Variants in FXYD3 observed in about 807,000 individuals in gnomAD.
FXYD3 encodes FXYD domain-containing ion transport regulator 3.
FXYD3 carries 13 observed loss-of-function variants against 19.2 expected under a neutral mutation model. The observed-to-expected ratio is 0.68, with a 90% confidence interval of 0.44 to 1.08. The LOEUF (loss-of-function observed/expected upper bound fraction) is 1.08. FXYD3 is among the 50% of genes least tolerant of loss of function. The probability of loss-of-function intolerance (pLI) is 0.00; values close to 1 mark genes in which losing one functional copy is unlikely to be tolerated. For synonymous variants in FXYD3, 48 were observed against 38.9 expected (o/e 1.23, Z -0.87); for missense variants, 101 against 109.4 (o/e 0.92, Z 0.34).
intron 6 of FXYD3, 33 bp downstream of exon 6, chr19:35,122,872 C>T (rs1329863635): frequency 1.2e-5 from 20 of 1,613,800 alleles, no homozygotes; most frequent in East Asian, 2.2e-5. Flanking sequence ...GCAGGCGGGC[C>T]GGGGCTGGGG....
rs141436593 is a variant in FXYD3, at chr19:35,121,099, A to G, written c.62A>G (p.Asn21Ser). ...CTAGGCTTTCCTGTCCTGGACGCCA[A>G]TGACCTAGAAGGTGAGTCAGACTGG... ...FLAGFPVLDA[N>S]DLEDKNSPFY... is the part of the protein sequence containing the mutation. Residue 21 changes from asparagine to serine, a missense_variant, in exon 4 of 9, where the codon AAT becomes AGT. Coordinates refer to ENST00000604404, the MANE Select transcript of FXYD3 (RefSeq NM_005971.4). 1.3e-5 allele frequency: 21 copies of G among 1,613,160 alleles called. No homozygotes were observed. The highest frequency in any genetic ancestry group is 9.9e-5 in the South Asian group (9 of 91,042).
At chr19:35,119,101 T>C in intron 2 of FXYD3, 1 of 1,159,870 alleles carries the variant, frequency 8.6e-7, no homozygotes, top group South Asian at 1.3e-5. Flanking sequence ...CTTGTTTGGT[T>C]GCGGGGCGAT....
At chr19:35,119,181 C>T in intron 2 of FXYD3, 182 bp from the exon 3 acceptor site, 2 of 1,558,266 alleles carry the variant, frequency 1.3e-6, no homozygotes, top group Non-Finnish European at 1.7e-6. Flanking sequence ...CGAGTTTCAC[C>T]CAGTCCCCAC....
At chr19:35,122,397 C>T (rs553003258) in intron 5 of FXYD3, among the ~76,000 whole-genome samples, 140 of 152,246 alleles carry the variant, frequency 9.2e-4, no homozygotes, top group African/African-American at 3.3e-3. Flanking sequence ...TCAGGTGATC[C>T]GCCCACCTTG....
chr19:35,121,455 A>G, intron 5 of FXYD3: 1 of 1,479,060 alleles, frequency 6.8e-7, no homozygotes, highest in Non-Finnish European at 9.0e-7. Flanking sequence ...AGCAAGATAG[A>G]CACACGCAGG....
At chr19:35,120,143 CTTT>C (rs35622565) in intron 3 of FXYD3, among the ~76,000 whole-genome samples, 1 of 143,458 alleles carries the variant, frequency 7.0e-6, no homozygotes. Context: ...TTTTTCTTTT[CTTT>C]TTTTTTTTTC....
chr19:35,117,357 C>G, intron 2 of FXYD3: 1 of 1,505,802 alleles, frequency 6.6e-7, no homozygotes, highest in Non-Finnish European at 8.9e-7. Context: ...CTTGGAGGAG[C>G]CCCTGGAAAG....
intron 3 of FXYD3, chr19:35,119,643 C>CT (rs376165806): frequency 2.0e-4 from 91 of 457,944 alleles, no homozygotes; most frequent in African/African-American, 9.2e-4. Flanking sequence ...TCGATCTCTT[C>CT]TTTTTTTTTG....
chr19:35,119,298 G>A, intron 2 of FXYD3, 65 bp from the exon 3 acceptor site: 1 of 1,609,766 alleles, frequency 6.2e-7, no homozygotes, highest in East Asian at 2.2e-5. Flanking sequence ...GGGTTGGGGA[G>A]CCACAGGCAC....
intron 3 of FXYD3, among the ~76,000 whole-genome samples, chr19:35,120,528 C>T (rs1244150100): frequency 1.3e-5 from 2 of 152,232 alleles, no homozygotes; most frequent in African/African-American, 2.4e-5. Flanking sequence ...ATTACAGGCA[C>T]ACTTTTTGTC....
intron 2 of FXYD3, 24 bp downstream of exon 2, chr19:35,116,383 C>T (rs2064885663): frequency 1.0e-6 from 1 of 985,406 alleles, no homozygotes; most frequent in South Asian, 4.7e-5. Context: ...GCCCCTTCCT[C>T]CAAGCCCTCC....
chr19:35,122,979 G>A (rs372815750), intron 7 of FXYD3, 25 bp downstream of exon 7: 21 of 1,554,900 alleles, frequency 1.4e-5, no homozygotes, highest in Admixed American at 1.9e-5. Context: ...CGGCATGCCC[G>A]CCTCAGGCTG....
At chr19:35,117,607 C>A (rs1455724629) in intron 2 of FXYD3, among the ~76,000 whole-genome samples, 1 of 151,874 alleles carries the variant, frequency 6.6e-6, no homozygotes. Context: ...CTTCAGACCA[C>A]AGGCAGTCCA....
intron 2 of FXYD3, 34 bp downstream of exon 2, chr19:35,116,393 C>T (rs1055146294): frequency 2.0e-6 from 2 of 985,082 alleles, no homozygotes; most frequent in African/African-American, 1.7e-5. Context: ...CCAAGCCCTC[C>T]TTGTCTCTGC....
At position 35,121,216 on chromosome 19, in the gene FXYD3, T is replaced by C. The variant is rs2065035703; in HGVS notation, c.74-6T>C. On this transcript the variant is annotated splice_region_variant and splice_polypyrimidine_tract_variant and intron_variant, in intron 4 of 8. Transcript: ENST00000604404. ...TGGATTCATGATCTTTTTTCTTTCC[T>C]TGCAGATAAAAACAGTCCTTTCTAC... 6.2e-7 allele frequency: 1 copy of C among 1,613,976 alleles called. No individual in the cohort carries two copies. The highest frequency in any genetic ancestry group is 1.1e-5 in the South Asian group (1 of 91,076).
At chr19:35,120,953 A>G in intron 3 of FXYD3, 125 bp from the exon 4 acceptor site, 1 of 949,642 alleles carries the variant, frequency 1.1e-6, no homozygotes, top group Non-Finnish European at 1.6e-6. Flanking sequence ...GTGGCTGCTC[A>G]GTGACAGGAC....
Position 35,116,288 on chromosome 19 carries a change from G to GGATAAACGCAGGACTCCGCCTGGCAGCCC in FXYD3, c.-82_-54dup. On this transcript the variant is annotated 5_prime_UTR_variant, in exon 2 of 9. Transcript: ENST00000604404. ...GGTTTGCTTAGGGCGTGGCAGCTTC[G>GGATAAACGCAGGACTCCGCCTGGCAGCCC]GATAAACGCAGGACTCCGCCTGGCA... The GGATAAACGCAGGACTCCGCCTGGCAGCCC allele has an allele frequency of 2.0e-6, 2 of 985,418 alleles. No homozygotes were observed. The highest frequency in any genetic ancestry group is 2.4e-6 in the Non-Finnish European group (2 of 829,966). The allele number at this position is 985,418 out of a possible 1,614,324, so 61.0% of individuals were successfully genotyped here.
chr19:35,118,372 A>C (rs946320302), intron 2 of FXYD3: 23 of 673,134 alleles, frequency 3.4e-5, no homozygotes, highest in African/African-American at 2.0e-4. Context: ...AAAAAAAAAA[A>C]AAACAATTAT....
In FXYD3 at chr19:35,119,385, G is replaced by A. The variant is rs1279532947; in HGVS notation, c.9G>A (p.Lys3=). The change falls in exon 3 of 9, where the codon AAG becomes AAA. Residue 3 remains lysine, a synonymous_variant. Coordinates refer to ENST00000604404, the MANE Select transcript of FXYD3 (RefSeq NM_005971.4). MQ[K]VTLGLLVFLA... Reference sequence around the variant, plus strand: ...TAGGCCAGCGCTCTGACATGCAGAAGGTGACCCTGGGCCTGCTTGTGTTCC... The same window carrying A: ...TAGGCCAGCGCTCTGACATGCAGAAAGTGACCCTGGGCCTGCTTGTGTTCC... 6.2e-7 allele frequency: 1 copy of A among 1,614,146 alleles called. No homozygotes were observed. Among genetic ancestry groups the A allele is most frequent in the East Asian group, 2.2e-5 (1 of 44,876 alleles).
Sources: gnomAD v4.1 joint callset for allele counts (sites outside exome capture counted in the v4.1 genomes callset) on GRCh38, gnomAD v4.1.1 for gene constraint, MANE v1.5 for transcripts, NCBI Gene and HGNC (gene_info 2026-07-23, HGNC 2026-07-21) for gene names.